MYH7B: variants seen among roughly 807,000 people sequenced by gnomAD.
MYH7B encodes myosin-7B.
MYH7B carries 205 observed loss-of-function variants against 234.5 expected under a neutral mutation model. That is an observed-to-expected ratio of 0.87 (90% CI 0.78 to 0.98). MYH7B has a LOEUF of 0.98. Ranked by LOEUF, MYH7B falls within the 50% of genes least tolerant of loss-of-function variation. The pLI is 0.00. For missense variants in MYH7B, 2,652 were observed against 2,633.4 expected (o/e 1.01, Z -0.15); for synonymous variants, 1,193 against 1,105.0 (o/e 1.08, Z -1.58).
chr20:34,983,266 CTCTT>C (rs1302647966), intron 10 of MYH7B, among the ~76,000 whole-genome samples: 16 of 141,524 alleles, frequency 1.1e-4, no homozygotes, highest in Middle Eastern at 3.7e-3. Context: ...TCTTTCTTTT[CTCTT>C]TCTTTTTTCT....
chr20:34,977,003 A>C (rs1431677659), intron 3 of MYH7B, among the ~76,000 whole-genome samples: 2 of 152,144 alleles, frequency 1.3e-5, no homozygotes, highest in Non-Finnish European at 2.9e-5. Context: ...GAGGGGACAC[A>C]GGTGTTTGCG....
intron 43 of MYH7B, 53 bp from the exon 44 acceptor site, chr20:35,001,895 G>GAAT (rs1385028261): frequency 1.3e-6 from 2 of 1,583,262 alleles, no homozygotes; most frequent in African/African-American, 2.7e-5. Flanking sequence ...GCAGGGACCA[G>GAAT]AATAAGCATC....
chr20:34,969,154 C>A (rs1347959888), intron 2 of MYH7B, among the ~76,000 whole-genome samples: 9 of 152,060 alleles, frequency 5.9e-5, no homozygotes, highest in Non-Finnish European at 1.2e-4. Flanking sequence ...AAGAGGGTAC[C>A]CCTGGGACTC....
chr20:34,996,774 C>A lies in MYH7B; in HGVS notation c.3266+16C>A. On this transcript the variant is annotated intron_variant, in intron 30 of 44. Transcript: ENST00000262873. ...AGCTCAAGAAGTAGGTGTGGTGGGG[C>A]AGCAGGTGGGGGCCTTCTGAGCCTG... The A allele has an allele frequency of 6.2e-7, 1 of 1,603,866 alleles. No homozygotes were observed. The highest frequency in any genetic ancestry group is 8.5e-7 in the Non-Finnish European group (1 of 1,175,882).
intron 2 of MYH7B, among the ~76,000 whole-genome samples, chr20:34,966,052 C>T (rs6119549): frequency 6.7e-6 from 1 of 148,946 alleles, no homozygotes; most frequent in Non-Finnish European, 1.5e-5. Flanking sequence ...GGACTGAATC[C>T]TGATGCCTAG....
intron 2 of MYH7B, among the ~76,000 whole-genome samples, chr20:34,958,724 A>C (rs1398419297): frequency 6.6e-6 from 1 of 152,098 alleles, no homozygotes; most frequent in Non-Finnish European, 1.5e-5. Flanking sequence ...TCTGCCTCTC[A>C]AAGTGCTGGG....
At position 34,990,184 on chromosome 20, in the gene MYH7B, G is replaced by A. The variant is rs200021725; in HGVS notation, c.1900+38G>A. ...GGACAAGATCTCCACTCTGACAGGG[G>A]CCCACAGAGCGACATTCCCTGGAGT... is the stretch of plus-strand genomic sequence containing the variant. On this transcript the variant is annotated intron_variant, in intron 21 of 44. Transcript: ENST00000262873. 6.3e-5 allele frequency: 102 copies of A among 1,614,116 alleles called. No homozygotes were observed. The East Asian group carries it at 2.1e-3, about 34-fold the overall frequency.
rs772512391 is a variant in MYH7B at position 34,990,959 on chromosome 20, C to T, written c.2066-45C>T. The T allele has an allele frequency of 1.3e-5, 20 of 1,571,920 alleles. No individual in the cohort carries two copies. The Middle Eastern group carries it at 5.1e-4, about 40-fold the overall frequency. ...ACTGCTGCTTTTTCTCTGGGGCCTG[C>T]GGGTGTGCCTGTTGACCTCTGACCT... On this transcript the variant is annotated intron_variant, in intron 23 of 44. Transcript: ENST00000262873.
In MYH7B at chr20:34,985,137, A is replaced by G; in HGVS notation, c.805+8A>G. The G allele has an allele frequency of 2.5e-6, 4 of 1,613,432 alleles. No individual in the cohort carries two copies. Among genetic ancestry groups the G allele is most frequent in the Non-Finnish European group, 2.5e-6 (3 of 1,179,526 alleles). ...CCGCGGATATTGACAGCTGTGAGTC[A>G]ACCCCCTGCGGGCGGTGCAGGGGAA... On this transcript the variant is annotated splice_region_variant and intron_variant, in intron 13 of 44. Transcript: ENST00000262873.
chr20:34,997,414 G>A lies in MYH7B; in HGVS notation c.3521G>A (p.Arg1174Gln), dbSNP rs370266935. 5.7e-5 allele frequency: 84 copies of A among 1,475,022 alleles called. 2 individuals are homozygous for A. In the East Asian group the frequency reaches 6.1e-4, roughly 11 times the overall value. 91.4% of individuals were successfully genotyped at this position (1,475,022 alleles called of 1,614,324 possible). ...GGGCAGCGCGAGGGCTGCCGCAAGC[G>A]GGAGGCGGAGCTGGGGAGGCTGCGG... The change falls in exon 32 of 45, where the codon CGG becomes CAG. Residue 1174 changes from arginine to glutamine, a missense_variant. Arg to Gln is a conservative substitution (Grantham distance 43). Around this residue, in one of 3 missense-constraint regions of MYH7B, gnomAD observed 2,279 missense variants for 2,211.4 expected, o/e 1.03. Coordinates refer to ENST00000262873, the Ensembl canonical transcript of MYH7B.
At chr20:34,993,506 C>A in intron 26 of MYH7B, 36 bp downstream of exon 26, 2 of 1,516,248 alleles carry the variant, frequency 1.3e-6, no homozygotes, top group South Asian at 1.2e-5. Context: ...CAGGGTGTGT[C>A]CCCTGCCTCT....
Position 34,997,082 on chromosome 20 carries a change from G to A in MYH7B, c.3267-1G>A. 1.3e-6 allele frequency: 2 copies of A among 1,548,520 alleles called. No homozygotes were observed. Among genetic ancestry groups the A allele is most frequent in the Non-Finnish European group, 1.7e-6 (2 of 1,146,714 alleles). On this transcript the variant is annotated splice_acceptor_variant, in intron 30 of 44. Coordinates refer to ENST00000262873, the Ensembl canonical transcript of MYH7B. LOFTEE classifies it high-confidence loss of function. Reference sequence around the variant, plus strand: ...CTGGCCACCCACTCTGTGGCTCCCAGGAAGGACTCCGAGCTGAGCCAGCTG... The same window carrying A: ...CTGGCCACCCACTCTGTGGCTCCCAAGAAGGACTCCGAGCTGAGCCAGCTG...
intron 2 of MYH7B, among the ~76,000 whole-genome samples, chr20:34,963,092 C>T (rs922641347): frequency 2.6e-5 from 4 of 152,018 alleles, no homozygotes; most frequent in African/African-American, 9.7e-5. Flanking sequence ...AGCGAGACTC[C>T]GTCTCAAAAA....
intron 32 of MYH7B, 67 bp from the exon 33 acceptor site, chr20:34,998,228 C>T: frequency 6.4e-7 from 1 of 1,572,088 alleles, no homozygotes; most frequent in East Asian, 2.3e-5. Context: ...CCAGATCCTG[C>T]CATCTGATGC....
In MYH7B at chr20:34,997,648, T is replaced by G; in HGVS notation, c.3747+8T>G. The G allele has an allele frequency of 6.2e-7, 1 of 1,612,872 alleles. No individual in the cohort carries two copies. ...ACTCTGACCCGCGCCAAGGTGTCCG[T>G]GCCTTCCTCACCCCATACCCACCCT... On this transcript the variant is annotated splice_region_variant and intron_variant, in intron 32 of 44. Coordinates refer to ENST00000262873, the Ensembl canonical transcript of MYH7B.
At chr20:34,991,205 CG>C (rs1555895149) in intron 24 of MYH7B, 84 bp downstream of exon 24, 2 of 955,138 alleles carry the variant, frequency 2.1e-6, no homozygotes, top group Non-Finnish European at 3.1e-6. Context: ...GCCCAACAGA[CG>C]GTCCCCTGTC....
rs181027860 is a variant in MYH7B, at chr20:34,978,773, A to C, written c.92-617A>C. 1.4e-4 allele frequency among the ~76,000 whole-genome samples: 21 copies of C among 152,274 alleles called. No homozygotes were observed. The East Asian group carries it at 4.1e-3, about 29-fold the overall frequency. On this transcript the variant is annotated intron_variant, in intron 5 of 44. Transcript: ENST00000262873. ...AAGGGGACCCACATCGTCATTTTGT[A>C]CTGGGGTCTGTAGGTTATGTAGATG...
At chr20:34,979,467 A>G in exon 6 of MYH7B, 2 of 1,613,858 alleles carry the variant, frequency 1.2e-6, no homozygotes, top group Non-Finnish European at 1.7e-6. Context: ...TACCGGGGGC[A>G]GAGTCACCGT....
At chr20:34,997,472 G>T in exon 32 of MYH7B, 1 of 1,526,472 alleles carries the variant, frequency 6.6e-7, no homozygotes. Flanking sequence ...TGCGGCACGA[G>T]GCCACAGTGG....
Sources: gnomAD v4.1 joint callset for allele counts (sites outside exome capture counted in the v4.1 genomes callset) on GRCh38, gnomAD v4.1.1 for gene constraint, gnomAD v4.1.1 regional missense constraint, MANE v1.5 for transcripts, NCBI Gene and HGNC (gene_info 2026-07-23, HGNC 2026-07-21) for gene names.